The following CCDC7 variants were observed in gnomAD, a reference collection of about 807,000 sequenced individuals.
CCDC7 encodes the protein coiled-coil domain containing 7.
Under a neutral mutation model 196.9 loss-of-function variants are expected in CCDC7, and 183 were observed. The ratio of observed to expected loss-of-function variants is 0.93; its 90% CI spans 0.82 to 1.05. The LOEUF is 1.05. Among genes scored for constraint, CCDC7 ranks in the 50% least tolerant of loss-of-function variants. CCDC7 has a pLI of 0.00. For synonymous variants in CCDC7, 525 were observed against 484.6 expected, an observed-to-expected ratio of 1.08 and a Z score of -1.10; for missense variants, 1,540 against 1,482.2, an observed-to-expected ratio of 1.04 and a Z score of -0.64.
chr10:32,774,774 A>G (rs1394860056), intron 28 of CCDC7, among the ~76,000 whole-genome samples: 2 of 152,034 alleles, frequency 1.3e-5, no homozygotes, highest in South Asian at 2.1e-4. Context: ...CTGGCTTCTC[A>G]TGCTGGTTGG....
At chr10:32,825,933 T>A (rs2091044116) in intron 32 of CCDC7, among the ~76,000 whole-genome samples, 1 of 152,154 alleles carries the variant, frequency 6.6e-6, no homozygotes, top group Non-Finnish European at 1.5e-5. Context: ...AGACACTGAA[T>A]TTGTAAACTC....
At chr10:32,854,378 A>G in intron 40 of CCDC7, 22 bp from the exon 42 acceptor site, 12 of 1,345,480 alleles carry the variant, frequency 8.9e-6, no homozygotes, top group Non-Finnish European at 1.3e-5. Flanking sequence ...ATAATTTAAT[A>G]ACACTGTTCT....
chr10:32,687,652 T>C (rs2076610303), intron 22 of CCDC7, among the ~76,000 whole-genome samples: 1 of 152,198 alleles, frequency 6.6e-6, no homozygotes, highest in South Asian at 2.1e-4. Context: ...AGTTATGTAA[T>C]TCTACACTAT....
At chr10:32,446,291 A>C (rs904881753) in exon 1 of CCDC7, 10 of 152,392 alleles carry the variant, frequency 6.6e-5, no homozygotes, top group Admixed American at 5.2e-4. Flanking sequence ...GTCTCGAAGG[A>C]AGTCTGGCAG....
chr10:32,468,860 G>T (rs988813874), intron 5 of CCDC7, among the ~76,000 whole-genome samples: 1 of 152,164 alleles, frequency 6.6e-6, no homozygotes, highest in Admixed American at 6.5e-5. Flanking sequence ...TTTATTGTTA[G>T]TACATGCTGG....
At chr10:32,470,527 C>A (rs764308961) in intron 5 of CCDC7, among the ~76,000 whole-genome samples, 4 of 152,036 alleles carry the variant, frequency 2.6e-5, no homozygotes, top group Non-Finnish European at 4.4e-5. Flanking sequence ...CTTTCCACGG[C>A]TTGTTATTTT....
At chr10:32,456,900 T>G (rs1008089099) in intron 3 of CCDC7, among the ~76,000 whole-genome samples, 4 of 152,112 alleles carry the variant, frequency 2.6e-5, no homozygotes, top group Non-Finnish European at 5.9e-5. Flanking sequence ...TACATATTTA[T>G]GGGGTACATA....
chr10:32,454,434 C>T (rs1005085429), intron 2 of CCDC7, among the ~76,000 whole-genome samples: 17 of 151,924 alleles, frequency 1.1e-4, no homozygotes, highest in Admixed American at 7.9e-4. Context: ...GGGAGGGAGG[C>T]GGGGTAAGGG....
At chr10:32,652,763 TAATA>T (rs969979338) in intron 20 of CCDC7, among the ~76,000 whole-genome samples, 2 of 152,190 alleles carry the variant, frequency 1.3e-5, no homozygotes, top group African/African-American at 4.8e-5. Context: ...GCCTAATGCA[TAATA>T]AATTTTTCTA....
At chr10:32,466,398 T>C (rs1306287434) in intron 5 of CCDC7, among the ~76,000 whole-genome samples, 1 of 152,158 alleles carries the variant, frequency 6.6e-6, no homozygotes, top group Non-Finnish European at 1.5e-5. Context: ...CCAACAGTTA[T>C]CTTTTCTGCT....
intron 8 of CCDC7, among the ~76,000 whole-genome samples, chr10:32,489,717 C>T (rs988780710): frequency 6.6e-6 from 1 of 152,094 alleles, no homozygotes; most frequent in African/African-American, 2.4e-5. Context: ...GTTCATTGTG[C>T]AGGCTGGTGC....
chr10:32,770,268 CTT>C (rs1313101463), intron 28 of CCDC7, among the ~76,000 whole-genome samples: 2 of 152,150 alleles, frequency 1.3e-5, no homozygotes, highest in Non-Finnish European at 2.9e-5. Flanking sequence ...TAACTTCTCT[CTT>C]AGCACTGCTT....
chr10:32,737,471 A>G (rs1344171852), intron 28 of CCDC7, among the ~76,000 whole-genome samples: 2 of 152,134 alleles, frequency 1.3e-5, no homozygotes, highest in African/African-American at 4.8e-5. Context: ...TGAGTGTTCC[A>G]CAGAAGCTTG....
intron 41 of CCDC7, among the ~76,000 whole-genome samples, chr10:32,859,766 C>G (rs1456442610): frequency 1.3e-5 from 2 of 152,158 alleles, no homozygotes; most frequent in African/African-American, 4.8e-5. Context: ...AAACTACCAT[C>G]AGAGAATACT....
At chr10:32,802,599 G>A (rs2085030960) in intron 29 of CCDC7, among the ~76,000 whole-genome samples, 1 of 152,182 alleles carries the variant, frequency 6.6e-6, no homozygotes, top group South Asian at 2.1e-4. Flanking sequence ...AGTTTATTAA[G>A]GAGTATTGAC....
intron 24 of CCDC7, among the ~76,000 whole-genome samples, chr10:32,708,367 C>G (rs2080184279): frequency 6.6e-6 from 1 of 152,068 alleles, no homozygotes; most frequent in Admixed American, 6.5e-5. Context: ...CCATAAAAAC[C>G]CTAGAAGAAA....
intron 41 of CCDC7, among the ~76,000 whole-genome samples, chr10:32,859,852 G>A (rs942161683): frequency 6.6e-6 from 1 of 152,092 alleles, no homozygotes. Flanking sequence ...ACCCTCCCAA[G>A]ACTAAACCAG....
intron 20 of CCDC7, among the ~76,000 whole-genome samples, chr10:32,641,862 C>T (rs1191206551): frequency 6.6e-6 from 1 of 152,076 alleles, no homozygotes; most frequent in Non-Finnish European, 1.5e-5. Flanking sequence ...GTTAGTTTTC[C>T]TTCTAACAGT....
intron 32 of CCDC7, among the ~76,000 whole-genome samples, chr10:32,828,483 GAGGAAGAAGAAGAAGAA>G (rs2091611709): frequency 1.4e-5 from 1 of 72,566 alleles, no homozygotes. Context: ...GGAAGAGGAA[GAGGAAGAAGAAGAAGAA>G]GAAGAAGAAG....
Sources: gnomAD v4.1 joint callset for allele counts (sites outside exome capture counted in the v4.1 genomes callset) on GRCh38, gnomAD v4.1.1 for gene constraint, MANE v1.5 for transcripts, NCBI Gene and HGNC (gene_info 2026-07-23, HGNC 2026-07-21) for gene names.